PIK3CD: variants seen among roughly 807,000 people sequenced by gnomAD.
PIK3CD encodes the protein phosphatidylinositol 4,5-bisphosphate 3-kinase catalytic subunit delta isoform.
Under a neutral mutation model 122.9 loss-of-function variants are expected in PIK3CD, and 20 were observed. That is an observed-to-expected ratio of 0.16 (90% CI 0.11 to 0.24). The LOEUF is 0.24. PIK3CD is among the 10% of genes least tolerant of loss of function. PIK3CD has a pLI of 1.00. For synonymous variants in PIK3CD, 596 were observed against 593.4 expected (o/e 1.00, Z -0.06); for missense variants, 787 against 1,406.3 (o/e 0.56, Z 7.04).
intron 2 of PIK3CD, among the ~76,000 whole-genome samples, chr1:9,695,659 T>C (rs559642013): frequency 6.6e-6 from 1 of 152,148 alleles, no homozygotes; most frequent in Admixed American, 6.5e-5. Context: ...CTGGCCAACA[T>C]GGTGAAACCC....
intron 1 of PIK3CD, among the ~76,000 whole-genome samples, chr1:9,665,402 C>G (rs1239456451): frequency 6.6e-6 from 1 of 151,526 alleles, no homozygotes; most frequent in Non-Finnish European, 1.5e-5. Context: ...TACAGGCGCA[C>G]GCCGCCATGC....
At chr1:9,681,857 T>C (rs1192320228) in intron 1 of PIK3CD, among the ~76,000 whole-genome samples, 1 of 152,110 alleles carries the variant, frequency 6.6e-6, no homozygotes, top group African/African-American at 2.4e-5. Flanking sequence ...ATATGGAGAG[T>C]GATCCAGCTT....
Position 9,715,699 on chromosome 1 carries a change from C to T in PIK3CD, c.300C>T (p.Arg100=). 1 of 1,613,662 alleles carries T rather than the reference C, an allele frequency of 6.2e-7. No individual in the cohort carries two copies. The highest frequency in any genetic ancestry group is 8.5e-7 in the Non-Finnish European group (1 of 1,180,034). Residue 100 remains arginine (R), a synonymous_variant, in exon 4 of 24, where the codon CGC becomes CGT. Coordinates refer to ENST00000377346, the MANE Select transcript of PIK3CD (RefSeq NM_005026.5). The surrounding 1 kb of genome is among the most constrained non-coding windows in gnomAD (Gnocchi z 4.1). ...CDVQPFLPVL[R]LVAREGDRVK... The stretch of plus-strand genomic sequence containing the variant: ...TGCAGCCCTTCCTGCCCGTCCTGCG[C>T]CTGGTGGCCCGTGAGGGCGACCGCG...
rs1342305806 is a variant in PIK3CD, at chr1:9,717,689, C to T, written c.1020+63C>T. ...TTTGCACAAACAAGGTGGCTGTATC[C>T]TGGAGGGGTAGCAGAGGAAGGAGGG... is the stretch of plus-strand genomic sequence containing the variant. On this transcript the variant is annotated intron_variant, in intron 8 of 23. Transcript: ENST00000377346. This position sits in a 1 kb window ranked among gnomAD's most constrained non-coding sequence, Gnocchi z 5.4. 5 of 1,440,966 alleles carry T rather than the reference C, an allele frequency of 3.5e-6. No homozygotes were observed. In the South Asian group the frequency reaches 3.5e-5, roughly 10 times the overall value. The allele number at this position is 1,440,966 out of a possible 1,614,324, so 89.3% of individuals were successfully genotyped here. A position where few individuals can be genotyped will look rare whatever the true frequency, so the allele number is the denominator to read the frequency against.
intron 1 of PIK3CD, among the ~76,000 whole-genome samples, chr1:9,669,366 G>A (rs1645254784): frequency 6.6e-6 from 1 of 152,010 alleles, no homozygotes; most frequent in African/African-American, 2.4e-5. Context: ...TCCTTTTGTT[G>A]CCCAGGCTTA....
rs113857366 is a variant in PIK3CD at position 9,704,206 on chromosome 1, G to C, written c.-32-6218G>C. Among the ~76,000 whole-genome samples the C allele has an allele frequency of 0.027, 4,130 of 152,254 alleles. 146 individuals are homozygous for C. The highest frequency in any genetic ancestry group is 0.073 in the African/African-American group (3,033 of 41,538). On this transcript the variant is annotated intron_variant, in intron 2 of 23. Transcript: ENST00000377346. This position sits in a 1 kb window ranked among gnomAD's most constrained non-coding sequence, Gnocchi z 5.0. ...TGTGCAGACCAGTCTGATACTTTCTGTATTAGGAATGAGGTTTTCTGTGAA... is the reference window on the plus strand; with the variant it reads ...TGTGCAGACCAGTCTGATACTTTCTCTATTAGGAATGAGGTTTTCTGTGAA...
intron 1 of PIK3CD, among the ~76,000 whole-genome samples, chr1:9,662,009 T>C (rs1372855133): frequency 6.6e-6 from 1 of 150,978 alleles, no homozygotes; most frequent in Non-Finnish European, 1.5e-5. Flanking sequence ...AAAAAAAAAG[T>C]TAGCCGGACA....
upstream of PIK3CD, among the ~76,000 whole-genome samples, chr1:9,647,111 A>T (rs1389261458): frequency 6.9e-6 from 1 of 144,104 alleles, no homozygotes; most frequent in Non-Finnish European, 1.5e-5. Flanking sequence ...GACTCTGTCT[A>T]AAAAAAAAAA....
chr1:9,691,954 A>C (rs1646211541), intron 2 of PIK3CD: 1 of 161,612 alleles, frequency 6.2e-6, no homozygotes, highest in Admixed American at 6.4e-5. Flanking sequence ...AAATGGATTG[A>C]ATTTTTATAA....
In PIK3CD at chr1:9,689,430, G is replaced by T. The variant is rs894547100; in HGVS notation, c.-137-2037G>T. Among the ~76,000 whole-genome samples, 6 of 150,602 alleles carry T rather than the reference G, an allele frequency of 4.0e-5. No homozygotes were observed. The highest frequency in any genetic ancestry group is 1.5e-4 in the African/African-American group (6 of 41,262). On this transcript the variant is annotated intron_variant, in intron 1 of 23. Coordinates refer to ENST00000377346, the MANE Select transcript of PIK3CD (RefSeq NM_005026.5). The surrounding 1 kb of genome is among the most constrained non-coding windows in gnomAD (Gnocchi z 6.1). ...CCGGCTGGGGGTGTGAGAATTTGCC[G>T]ACGGTGCCCGCGCCGCCGCCGGCCC...
At chr1:9,627,276 G>C in the PIK3CD span, among the ~76,000 whole-genome samples, 1 of 152,250 alleles carries the variant, frequency 6.6e-6, no homozygotes, top group Non-Finnish European at 1.5e-5. Flanking sequence ...CCGGCTGGGC[G>C]ACCTAAGGCT....
At position 9,715,506 on chromosome 1, in the gene PIK3CD, T is replaced by C; in HGVS notation, c.142-35T>C. ...GCCTCCCACCTCCCAGTGGCTGCCT[T>C]GGGTGGAGGGGCTGACCGGTGACTG... On this transcript the variant is annotated intron_variant, in intron 3 of 23. Coordinates refer to ENST00000377346, the MANE Select transcript of PIK3CD (RefSeq NM_005026.5). The surrounding 1 kb of genome is among the most constrained non-coding windows in gnomAD (Gnocchi z 4.1). The C allele has an allele frequency of 6.3e-7, 1 of 1,592,446 alleles. No homozygotes were observed.
At position 9,720,835 on chromosome 1, in the gene PIK3CD, C is replaced by T. The variant is rs747265210; in HGVS notation, c.1615C>T (p.Gln539Ter). 6.2e-7 allele frequency: 1 copy of T among 1,612,854 alleles called. No individual in the cohort carries two copies. The highest frequency in any genetic ancestry group is 8.5e-7 in the Non-Finnish European group (1 of 1,179,682). ...GGTGTGGAAGCTGCGGCATGAAGTC[C>T]AGGAGCACTTCCCGGAGGCGCTAGC... ...DLVWKLRHEVQEHFPEALARL... is the reference protein window; with the variant it reads ...DLVWKLRHEV Residue 539 changes from glutamine to a stop codon, truncating the protein, a stop_gained, in exon 13 of 24, where the codon CAG becomes TAG. Coordinates refer to ENST00000377346, the MANE Select transcript of PIK3CD (RefSeq NM_005026.5). LOFTEE classifies it high-confidence loss of function. The surrounding 1 kb of genome is among the most constrained non-coding windows in gnomAD (Gnocchi z 9.0).
Position 9,727,139 on chromosome 1 carries a change from C to T in PIK3CD, c.*93C>T, listed in dbSNP as rs1649784314. ...TAAAGGGGCTGAAGAGCCTGAACTGCACCTAACGGGAAAGAACCGACATGG... is the reference window on the plus strand; with the variant it reads ...TAAAGGGGCTGAAGAGCCTGAACTGTACCTAACGGGAAAGAACCGACATGG... On this transcript the variant is annotated 3_prime_UTR_variant, in exon 24 of 24. Coordinates refer to ENST00000377346, the MANE Select transcript of PIK3CD (RefSeq NM_005026.5). 3.5e-6 allele frequency: 5 copies of T among 1,429,960 alleles called. No homozygotes were observed. Among genetic ancestry groups the T allele is most frequent in the South Asian group, 1.2e-5 (1 of 85,684 alleles). The allele number at this position is 1,429,960 out of a possible 1,614,324, so 88.6% of individuals were successfully genotyped here. A position where few individuals can be genotyped will look rare whatever the true frequency, so the allele number is the denominator to read the frequency against.
the PIK3CD span, among the ~76,000 whole-genome samples, chr1:9,634,991 A>G: frequency 6.6e-6 from 1 of 152,114 alleles, no homozygotes; most frequent in South Asian, 2.1e-4. Flanking sequence ...GGGTGTCCTT[A>G]TAGGAAGAGG....
Position 9,719,685 on chromosome 1 carries a change from G to C in PIK3CD, c.1243-236G>C, listed in dbSNP as rs1648173154. On this transcript the variant is annotated intron_variant, in intron 9 of 23. Coordinates refer to ENST00000377346, the MANE Select transcript of PIK3CD (RefSeq NM_005026.5). The surrounding 1 kb of genome is among the most constrained non-coding windows in gnomAD (Gnocchi z 5.5). ...CAAAAAAAAAAAAAAGCCTGAGTAGGGGTGAGGTGGGAACAGGAGGGTGCA... is the reference window on the plus strand; with the variant it reads ...CAAAAAAAAAAAAAAGCCTGAGTAGCGGTGAGGTGGGAACAGGAGGGTGCA... Among the ~76,000 whole-genome samples, 1 of 152,030 alleles carries C rather than the reference G, an allele frequency of 6.6e-6. No individual in the cohort carries two copies. The highest frequency in any genetic ancestry group is 1.9e-4 in the East Asian group (1 of 5,184).
chr1:9,628,456 A>T, the PIK3CD span, among the ~76,000 whole-genome samples: 1 of 152,208 alleles, frequency 6.6e-6, no homozygotes, highest in Non-Finnish European at 1.5e-5. Flanking sequence ...ATTTTTACAT[A>T]TATGAATTAT....
intron 1 of PIK3CD, among the ~76,000 whole-genome samples, chr1:9,658,552 C>CA (rs1557593102): frequency 1.1e-5 from 1 of 94,414 alleles, no homozygotes; most frequent in African/African-American, 5.3e-5. Context: ...TTTGGTGAGG[C>CA]AGAGTCTCCC....
At position 9,721,839 on chromosome 1, in the gene PIK3CD, C is replaced by T; in HGVS notation, c.2034C>T (p.His678=). ...CCTACTGCAGGGGCAGCACCCACCA[C>T]ATGAAGGTGCTGATGAAGCAGGTGA... ...LEAYCRGSTH[H]MKVLMKQGEA... Residue 678 remains histidine, a synonymous_variant, in exon 16 of 24, where the codon CAC becomes CAT. Coordinates refer to ENST00000377346, the MANE Select transcript of PIK3CD (RefSeq NM_005026.5). The T allele has an allele frequency of 6.2e-7, 1 of 1,613,150 alleles. No homozygotes were observed. The highest frequency in any genetic ancestry group is 8.5e-7 in the Non-Finnish European group (1 of 1,179,906).
Sources: allele counts gnomAD v4.1 joint callset (sites outside exome capture counted in the v4.1 genomes callset), GRCh38; gene constraint gnomAD v4.1.1; non-coding constraint Gnocchi (gnomAD v3.1); transcripts MANE v1.5; gene names NCBI Gene and HGNC (gene_info 2026-07-23, HGNC 2026-07-21).